Variants in LRRTM4 observed in about 807,000 individuals in gnomAD.
LRRTM4 encodes the protein leucine-rich repeat transmembrane neuronal protein 4.
Under a neutral mutation model 47.6 loss-of-function variants are expected in LRRTM4, and 25 were observed. The observed-to-expected ratio is 0.53, with a 90% CI of 0.38 to 0.73. LRRTM4 has a LOEUF of 0.73. LRRTM4 is among the 30% of genes least tolerant of loss of function. The pLI is 0.00. For synonymous variants in LRRTM4, 311 were observed against 269.5 expected, an observed-to-expected ratio of 1.15 and a Z score of -1.51; for missense variants, 638 against 713.4, an observed-to-expected ratio of 0.89 and a Z score of 1.20.
intron 3 of LRRTM4, among the ~76,000 whole-genome samples, chr2:77,003,343 A>T (rs1318927521): frequency 1.3e-5 from 2 of 152,036 alleles, no homozygotes; most frequent in Non-Finnish European, 2.9e-5. Context: ...TAGGAAGTTG[A>T]TATGTATTGG....
intron 3 of LRRTM4, among the ~76,000 whole-genome samples, chr2:77,122,277 C>T (rs1330629676): frequency 6.6e-6 from 1 of 151,490 alleles, no homozygotes. Context: ...ACATCAAGTA[C>T]ATTAAGAATA....
chr2:77,261,861 C>T (rs1054914325), intron 3 of LRRTM4, among the ~76,000 whole-genome samples: 1 of 152,012 alleles, frequency 6.6e-6, no homozygotes, highest in Non-Finnish European at 1.5e-5. Flanking sequence ...ACATGGGTTC[C>T]CAACCCAGCC....
chr2:77,506,353 G>A (rs903170127), intron 3 of LRRTM4, among the ~76,000 whole-genome samples: 1 of 151,594 alleles, frequency 6.6e-6, no homozygotes, highest in African/African-American at 2.4e-5. Flanking sequence ...TAAATATTTA[G>A]TATACACAGG....
intron 3 of LRRTM4, among the ~76,000 whole-genome samples, chr2:77,201,479 A>G (rs1673972926): frequency 6.6e-6 from 1 of 152,170 alleles, no homozygotes; most frequent in Admixed American, 6.6e-5. Flanking sequence ...ATTATTACTT[A>G]AAAACAATAG....
At chr2:77,445,844 C>G (rs1676031132) in intron 3 of LRRTM4, among the ~76,000 whole-genome samples, 1 of 151,944 alleles carries the variant, frequency 6.6e-6, no homozygotes, top group African/African-American at 2.4e-5. Flanking sequence ...AAAATACCAC[C>G]TATCTGATGG....
In LRRTM4 at chr2:77,350,182, C is replaced by T. The variant is rs576279216; in HGVS notation, c.1551+168136G>A. On this transcript the variant is annotated intron_variant, in intron 3 of 3. Transcript: ENST00000409884. ...CTAAAAAAAAATACAAAAAATTAGC[C>T]GGGCGCGGTGGCGGGCGCCTGTAGT... Among the ~76,000 whole-genome samples, 267 of 149,734 alleles carry T rather than the reference C, an allele frequency of 1.8e-3. 1 individual carries two copies. Among genetic ancestry groups the T allele is most frequent in the African/African-American group, 6.2e-3 (256 of 40,972 alleles).
At chr2:77,396,223 G>T (rs1243520823) in intron 3 of LRRTM4, among the ~76,000 whole-genome samples, 1 of 151,776 alleles carries the variant, frequency 6.6e-6, no homozygotes, top group Non-Finnish European at 1.5e-5. Context: ...ATGTATGTGT[G>T]TGTTTACACA....
intron 3 of LRRTM4, among the ~76,000 whole-genome samples, chr2:76,923,861 T>TC (rs1311884161): frequency 2.6e-5 from 4 of 152,224 alleles, no homozygotes; most frequent in African/African-American, 7.2e-5. Flanking sequence ...GGGTCACAAA[T>TC]CATTATCTTC....
At chr2:77,376,608 G>A (rs537326964) in intron 3 of LRRTM4, among the ~76,000 whole-genome samples, 3 of 151,584 alleles carry the variant, frequency 2.0e-5, no homozygotes, top group South Asian at 2.1e-4. Flanking sequence ...ATCTTATGCC[G>A]ATTGATCTCT....
chr2:77,275,252 T>A (rs947896117), intron 3 of LRRTM4, among the ~76,000 whole-genome samples: 26 of 152,186 alleles, frequency 1.7e-4, no homozygotes, highest in African/African-American at 6.3e-4. Flanking sequence ...CCTGCAAAGA[T>A]TACTTTGTAA....
intron 3 of LRRTM4, among the ~76,000 whole-genome samples, chr2:76,803,228 A>T (rs926714700): frequency 2.0e-5 from 3 of 152,170 alleles, no homozygotes; most frequent in African/African-American, 4.8e-5. Flanking sequence ...AAAATATATA[A>T]GGAACTCAAA....
intron 3 of LRRTM4, among the ~76,000 whole-genome samples, chr2:77,202,382 G>A (rs1674001361): frequency 6.6e-6 from 1 of 151,992 alleles, no homozygotes; most frequent in South Asian, 2.1e-4. Flanking sequence ...AACTCCTAAT[G>A]TATAATATTA....
At chr2:77,054,521 G>T (rs750694286) in intron 3 of LRRTM4, among the ~76,000 whole-genome samples, 3 of 152,152 alleles carry the variant, frequency 2.0e-5, no homozygotes, top group Non-Finnish European at 4.4e-5. Context: ...ATAAGTAACG[G>T]AAATACTGTG....
In LRRTM4 at chr2:77,361,780, CTCTA is replaced by C. The variant is rs557073150; in HGVS notation, c.1551+156534_1551+156537del. On this transcript the variant is annotated intron_variant, in intron 3 of 3. Transcript: ENST00000409884. Reference sequence around the variant, plus strand: ...ATTTTACCTTTTTAATACTTCTTAACTCTATCTTTCTTTCTCCCTTTCTATCAGT... The same window carrying C: ...ATTTTACCTTTTTAATACTTCTTAACTCTTTCTTTCTCCCTTTCTATCAGT... Among the ~76,000 whole-genome samples the C allele has an allele frequency of 6.8e-3, 1,039 of 152,240 alleles. 5 individuals are homozygous for C. The highest frequency in any genetic ancestry group is 0.024 in the Middle Eastern group (7 of 294).
At chr2:77,487,899 C>T (rs1289391519) in intron 3 of LRRTM4, among the ~76,000 whole-genome samples, 1 of 152,308 alleles carries the variant, frequency 6.6e-6, no homozygotes, top group African/African-American at 2.4e-5. Context: ...CTTCGGGTCT[C>T]CTGAGACCTG....
At chr2:77,175,390 C>A (rs1170093112) in intron 3 of LRRTM4, among the ~76,000 whole-genome samples, 1 of 152,022 alleles carries the variant, frequency 6.6e-6, no homozygotes, top group African/African-American at 2.4e-5. Flanking sequence ...CCTGACGCAC[C>A]ATAATCTAAG....
At chr2:77,231,140 C>G (rs1674952258) in intron 3 of LRRTM4, among the ~76,000 whole-genome samples, 1 of 152,002 alleles carries the variant, frequency 6.6e-6, no homozygotes, top group Non-Finnish European at 1.5e-5. Context: ...AATATAGTCT[C>G]TGTTTTATTT....
chr2:77,297,163 G>C (rs956832055), intron 3 of LRRTM4, among the ~76,000 whole-genome samples: 2 of 152,016 alleles, frequency 1.3e-5, no homozygotes, highest in African/African-American at 2.4e-5. Flanking sequence ...TTTCCGTTTT[G>C]TCTTTTGCAT....
intron 3 of LRRTM4, among the ~76,000 whole-genome samples, chr2:77,048,089 G>T (rs1679293839): frequency 6.6e-6 from 1 of 151,650 alleles, no homozygotes. Context: ...TTTTTATTTT[G>T]CTATGTCATG....
Sources: allele counts gnomAD v4.1 joint callset (sites outside exome capture counted in the v4.1 genomes callset), GRCh38; gene constraint gnomAD v4.1.1; transcripts MANE v1.5; gene names NCBI Gene and HGNC (gene_info 2026-07-23, HGNC 2026-07-21).